The following NDUFB3 variants were observed in gnomAD, a reference collection of about 807,000 sequenced individuals.
The protein encoded by NDUFB3 is NADH:ubiquinone oxidoreductase subunit B3, also known as NADH dehydrogenase [ubiquinone] 1 beta subcomplex subunit 3.
In NDUFB3, 7 loss-of-function variants were observed where a neutral mutation model predicts 9.0. The ratio of observed to expected loss-of-function variants is 0.78; its 90% confidence interval spans 0.44 to 1.46. NDUFB3 has a LOEUF of 1.46. NDUFB3 is among the 40% of genes most tolerant of loss of function. The pLI, the probability that NDUFB3 is intolerant of heterozygous loss-of-function variation, is 0.01. For missense variants in NDUFB3, 93 were observed against 115.4 expected, an observed-to-expected ratio of 0.81 and a Z score of 0.89; for synonymous variants, 29 against 38.5, an observed-to-expected ratio of 0.75 and a Z score of 0.91.
Position 201,085,417 on chromosome 2 carries a change from C to T in NDUFB3, c.141-42C>T, listed in dbSNP as rs758404501. 4.7e-6 allele frequency: 7 copies of T among 1,484,678 alleles called. No homozygotes were observed. The Admixed American group carries it at 9.8e-5, about 21-fold the overall frequency. The allele number at this position is 1,484,678 out of a possible 1,614,324, so 92.0% of individuals were successfully genotyped here. On this transcript the variant is annotated intron_variant, in intron 2 of 2. Coordinates refer to ENST00000237889, the MANE Select transcript of NDUFB3 (RefSeq NM_002491.3). ...TAAATGTCTTCAACGTATATACACA[C>T]ACGTTGTGTATGATTATAATTTTTT...
intron 1 of NDUFB3, 100 bp downstream of exon 1, chr2:201,072,159 G>C (rs2047083326): frequency 6.6e-6 from 1 of 152,322 alleles, no homozygotes; most frequent in African/African-American, 2.4e-5. Context: ...AGAAGGATGG[G>C]AGGCTGGGAG....
chr2:201,082,804 C>G (rs1308805770), intron 2 of NDUFB3, among the ~76,000 whole-genome samples: 1 of 147,632 alleles, frequency 6.8e-6, no homozygotes, highest in Admixed American at 6.8e-5. Context: ...AGCTCCGCTT[C>G]CCGGGTTCAC....
At chr2:201,083,920 C>T (rs1174104361) in intron 2 of NDUFB3, among the ~76,000 whole-genome samples, 2 of 152,064 alleles carry the variant, frequency 1.3e-5, no homozygotes, top group Admixed American at 6.6e-5. Flanking sequence ...CTTTGGGAAG[C>T]CAAGGCAGGC....
chr2:201,076,184 G>T (rs1460223571), intron 1 of NDUFB3, among the ~76,000 whole-genome samples: 1 of 151,796 alleles, frequency 6.6e-6, no homozygotes, highest in Admixed American at 6.6e-5. Context: ...GAGAGTATCG[G>T]TTTTCATTTT....
intron 2 of NDUFB3, among the ~76,000 whole-genome samples, chr2:201,081,500 TA>T (rs1327078150): frequency 2.0e-5 from 3 of 151,664 alleles, no homozygotes; most frequent in African/African-American, 7.3e-5. Context: ...ACAAAAAATT[TA>T]GGGATAAGTG....
chr2:201,084,684 A>G (rs1018797431), intron 2 of NDUFB3, among the ~76,000 whole-genome samples: 1 of 152,180 alleles, frequency 6.6e-6, no homozygotes, highest in African/African-American at 2.4e-5. Context: ...GAGGGATAGT[A>G]TTCTGTAGCT....
chr2:201,083,039 G>A (rs546691401), intron 2 of NDUFB3, among the ~76,000 whole-genome samples: 1 of 152,256 alleles, frequency 6.6e-6, no homozygotes, highest in African/African-American at 2.4e-5. Context: ...AGTTCAAGTA[G>A]ATTTTTTTTA....
rs1308913526 is a variant in NDUFB3 at position 201,072,028 on chromosome 2, T to A, written c.-34T>A. On this transcript the variant is annotated 5_prime_UTR_variant, in exon 1 of 3. In the 5' UTR this introduces an upstream ATG that the reference lacks. Coordinates refer to ENST00000237889, the MANE Select transcript of NDUFB3 (RefSeq NM_002491.3). Reference sequence around the variant, plus strand: ...TTTCCGGTTGGCTCCGGTTGCAGAGTTGAGTGTCCTGAGAGGTCAGATTGC... The same window carrying A: ...TTTCCGGTTGGCTCCGGTTGCAGAGATGAGTGTCCTGAGAGGTCAGATTGC... The A allele has an allele frequency of 1.3e-5, 2 of 152,116 alleles. No homozygotes were observed. Among genetic ancestry groups the A allele is most frequent in the Non-Finnish European group, 2.9e-5 (2 of 68,020 alleles). 9.4% of individuals were successfully genotyped at this position (152,116 alleles called of 1,614,324 possible).
intron 2 of NDUFB3, among the ~76,000 whole-genome samples, chr2:201,079,546 A>G (rs4674672): frequency 1 from 152,193 of 152,196 alleles, 76,095 homozygotes; most frequent in Non-Finnish European, 1. Flanking sequence ...AGGCTTAAGC[A>G]ATCCTCCCAC....
At chr2:201,082,913 C>T (rs2047245230) in intron 2 of NDUFB3, among the ~76,000 whole-genome samples, 1 of 150,774 alleles carries the variant, frequency 6.6e-6, no homozygotes, top group South Asian at 2.1e-4. Flanking sequence ...CGGGGTTTCA[C>T]CTTGTTAGCC....
intron 1 of NDUFB3, among the ~76,000 whole-genome samples, chr2:201,073,828 T>A (rs977475969): frequency 5.9e-5 from 9 of 152,156 alleles, no homozygotes; most frequent in Non-Finnish European, 1.0e-4. Flanking sequence ...AAGAAAATAT[T>A]TTAAATATAT....
chr2:201,083,271 T>C (rs1242072577), intron 2 of NDUFB3, among the ~76,000 whole-genome samples: 1 of 152,118 alleles, frequency 6.6e-6, no homozygotes, highest in Non-Finnish European at 1.5e-5. Context: ...TTTCTTACAG[T>C]GATCTCCTAG....
chr2:201,081,514 G>A (rs2047222136), intron 2 of NDUFB3, among the ~76,000 whole-genome samples: 1 of 151,790 alleles, frequency 6.6e-6, no homozygotes, highest in African/African-American at 2.4e-5. Context: ...GATAAGTGAT[G>A]TCTTAACAAT....
At chr2:201,080,722 T>C (rs2047212914) in intron 2 of NDUFB3, among the ~76,000 whole-genome samples, 2 of 128,536 alleles carry the variant, frequency 1.6e-5, no homozygotes, top group Non-Finnish European at 3.2e-5. Context: ...TTTTTTTTTT[T>C]GAGACAGAGT....
At chr2:201,075,235 T>C (rs116739540) in intron 1 of NDUFB3, among the ~76,000 whole-genome samples, 1,709 of 150,464 alleles carry the variant, frequency 0.011, 17 homozygotes, top group Non-Finnish European at 0.017. Context: ...CTAGAGAAAG[T>C]GTTTTCAACT....
chr2:201,080,232 C>T (rs2047207975), intron 2 of NDUFB3, among the ~76,000 whole-genome samples: 1 of 152,094 alleles, frequency 6.6e-6, no homozygotes, highest in Non-Finnish European at 1.5e-5. Flanking sequence ...TATTGTACCT[C>T]CGTTGAATTA....
intron 2 of NDUFB3, among the ~76,000 whole-genome samples, chr2:201,083,610 G>A (rs554291747): frequency 6.6e-6 from 1 of 152,090 alleles, no homozygotes; most frequent in East Asian, 1.9e-4. Context: ...ACCTCCCAAA[G>A]TGCTGGGATT....
chr2:201,085,709 T>TAC lies in NDUFB3; in HGVS notation c.*95_*96insCA. The stretch of plus-strand genomic sequence containing the variant: ...CTTGTCTGGTTTATCCCTTACAGAA[T>TAC]ATTAGTAAGATTTAATCAATTAAAA... On this transcript the variant is annotated 3_prime_UTR_variant, in exon 3 of 3. Coordinates refer to ENST00000237889, the MANE Select transcript of NDUFB3 (RefSeq NM_002491.3). The TAC allele has an allele frequency of 9.9e-7, 1 of 1,008,512 alleles. No individual in the cohort carries two copies. Among genetic ancestry groups the TAC allele is most frequent in the Non-Finnish European group, 1.4e-6 (1 of 711,542 alleles). 62.5% of individuals were successfully genotyped at this position (1,008,512 alleles called of 1,614,324 possible).
chr2:201,085,722 T>A lies in NDUFB3; in HGVS notation c.*107T>A. ...TCCCTTACAGAATATTAGTAAGATT[T>A]AATCAATTAAAATATATATATATGC... On this transcript the variant is annotated 3_prime_UTR_variant, in exon 3 of 3. Transcript: ENST00000237889. 1 of 869,416 alleles carries A rather than the reference T, an allele frequency of 1.2e-6. No individual in the cohort carries two copies. Among genetic ancestry groups the A allele is most frequent in the Non-Finnish European group, 1.7e-6 (1 of 605,008 alleles). The allele number at this position is 869,416 out of a possible 1,614,324, so 53.9% of individuals were successfully genotyped here. A position where few individuals can be genotyped will look rare whatever the true frequency, so the allele number is the denominator to read the frequency against.
Sources: allele counts gnomAD v4.1 joint callset (sites outside exome capture counted in the v4.1 genomes callset), GRCh38; gene constraint gnomAD v4.1.1; transcripts MANE v1.5; gene names NCBI Gene and HGNC (gene_info 2026-07-23, HGNC 2026-07-21).